The following SNTB2 variants were observed in gnomAD, a reference collection of about 807,000 sequenced individuals.
The protein encoded by SNTB2 is syntrophin beta 2.
Under a neutral mutation model 46.2 loss-of-function variants are expected in SNTB2, and 34 were observed. The ratio of observed to expected loss-of-function variants is 0.74; its 90% CI spans 0.56 to 0.98. SNTB2 has a LOEUF of 0.98. Among genes scored for constraint, SNTB2 ranks in the 50% least tolerant of loss-of-function variants. SNTB2 has a pLI of 0.00. For missense variants in SNTB2, 603 were observed against 731.4 expected, an observed-to-expected ratio of 0.82 and a Z score of 2.02; for synonymous variants, 290 against 312.6, an observed-to-expected ratio of 0.93 and a Z score of 0.76.
intron 1 of SNTB2, among the ~76,000 whole-genome samples, chr16:69,188,783 A>G (rs1052371011): frequency 8.5e-5 from 13 of 152,310 alleles, no homozygotes; most frequent in Admixed American, 6.5e-4. Context: ...ATGCAAAACA[A>G]CTTATAGGGA....
chr16:69,265,534 A>C (rs1964875381), intron 3 of SNTB2, among the ~76,000 whole-genome samples: 2 of 152,100 alleles, frequency 1.3e-5, no homozygotes, highest in South Asian at 2.1e-4. Flanking sequence ...GTTTATTAGA[A>C]ATAAAATTTG....
Position 69,299,653 on chromosome 16 carries a change from C to T in SNTB2, c.1409C>T (p.Ser470Leu). Residue 470 changes from serine to leucine, a missense_variant, in exon 6 of 7, where the codon TCA (serine) becomes TTA (leucine). Coordinates refer to ENST00000336278, the MANE Select transcript of SNTB2 (RefSeq NM_006750.4). Reference sequence around the variant, plus strand: ...CACTATGAAAATGGGTTCACCATCTCAAGGGAAAATGGAGGCTCCAGCAGC... The same window carrying T: ...CACTATGAAAATGGGTTCACCATCTTAAGGGAAAATGGAGGCTCCAGCAGC... ...TIHYENGFTI[S>L]RENGGSSSIL... The T allele has an allele frequency of 6.2e-7, 1 of 1,614,144 alleles. No individual in the cohort carries two copies. Among genetic ancestry groups the T allele is most frequent in the Non-Finnish European group, 8.5e-7 (1 of 1,180,038 alleles).
In SNTB2 at chr16:69,187,165, G is replaced by A; in HGVS notation, c.-2G>A. 7.4e-7 allele frequency: 1 copy of A among 1,351,554 alleles called. No individual in the cohort carries two copies. The highest frequency in any genetic ancestry group is 9.5e-7 in the Non-Finnish European group (1 of 1,048,890). The allele number at this position is 1,351,554 out of a possible 1,614,324, so 83.7% of individuals were successfully genotyped here. On this transcript the variant is annotated 5_prime_UTR_variant, in exon 1 of 7. Transcript: ENST00000336278. Reference sequence around the variant, plus strand: ...GGGAAGCGCCGAGGCTGCCTGACTGGAATGAGGGTAGCTGCGGCGACTGCG... The same window carrying A: ...GGGAAGCGCCGAGGCTGCCTGACTGAAATGAGGGTAGCTGCGGCGACTGCG...
intron 1 of SNTB2, among the ~76,000 whole-genome samples, chr16:69,194,360 T>C (rs1964083851): frequency 6.6e-6 from 1 of 152,228 alleles, no homozygotes; most frequent in Non-Finnish European, 1.5e-5. Flanking sequence ...TCCATTTTAG[T>C]GTTTTGTAAC....
At chr16:69,249,357 T>A (rs1486120692) in intron 2 of SNTB2, among the ~76,000 whole-genome samples, 1 of 152,148 alleles carries the variant, frequency 6.6e-6, no homozygotes, top group Non-Finnish European at 1.5e-5. Context: ...GTACCTGTAG[T>A]GCTGCTGATG....
At chr16:69,288,441 A>AT (rs112937945) in intron 5 of SNTB2, among the ~76,000 whole-genome samples, 5 of 152,196 alleles carry the variant, frequency 3.3e-5, no homozygotes, top group East Asian at 3.9e-4. Context: ...TCACAGCTGT[A>AT]TTTTTTTAAA....
At chr16:69,231,744 A>T (rs573450559) in intron 1 of SNTB2, among the ~76,000 whole-genome samples, 1 of 152,296 alleles carries the variant, frequency 6.6e-6, no homozygotes, top group African/African-American at 2.4e-5. Context: ...AAACAAACAC[A>T]CCTACTATAT....
chr16:69,284,969 G>A (rs2143162231), intron 5 of SNTB2, among the ~76,000 whole-genome samples: 1 of 152,276 alleles, frequency 6.6e-6, no homozygotes, highest in South Asian at 2.1e-4. Flanking sequence ...ATTCAGCGCA[G>A]TAACATACTA....
rs1964927352 is a variant in SNTB2 at position 69,270,455 on chromosome 16, G to A, written c.1148+170G>A. Among the ~76,000 whole-genome samples, 3 of 152,296 alleles carry A rather than the reference G, an allele frequency of 2.0e-5. No individual in the cohort carries two copies. In the South Asian group the frequency reaches 6.2e-4, roughly 32 times the overall value. On this transcript the variant is annotated intron_variant, in intron 4 of 6. Coordinates refer to ENST00000336278, the MANE Select transcript of SNTB2 (RefSeq NM_006750.4). ...TTACAACCTTATTGATAATTTTGCAGCTCCTAGCTCAGAATAAATTGTTTT... is the reference window on the plus strand; with the variant it reads ...TTACAACCTTATTGATAATTTTGCAACTCCTAGCTCAGAATAAATTGTTTT...
intron 5 of SNTB2, among the ~76,000 whole-genome samples, chr16:69,294,418 C>G (rs984754265): frequency 2.0e-5 from 3 of 152,078 alleles, no homozygotes; most frequent in Non-Finnish European, 4.4e-5. Flanking sequence ...CACTGAAACT[C>G]TTATCACTAT....
intron 1 of SNTB2, among the ~76,000 whole-genome samples, chr16:69,204,158 C>A (rs555729413): frequency 6.6e-6 from 1 of 151,964 alleles, no homozygotes; most frequent in East Asian, 1.9e-4. Flanking sequence ...TTCCCAAATG[C>A]TGGGATTACA....
intron 5 of SNTB2, 23 bp downstream of exon 5, chr16:69,284,267 T>C (rs1211289928): frequency 3.2e-6 from 5 of 1,572,874 alleles, no homozygotes; most frequent in Non-Finnish European, 4.3e-6. Flanking sequence ...ACTTTTTATT[T>C]CTAGTAGTAA....
At chr16:69,285,754 G>A (rs1965096932) in intron 5 of SNTB2, among the ~76,000 whole-genome samples, 1 of 150,342 alleles carries the variant, frequency 6.7e-6, no homozygotes, top group Non-Finnish European at 1.5e-5. Flanking sequence ...GTTTCCCAAA[G>A]TGCTGGGATT....
intron 5 of SNTB2, among the ~76,000 whole-genome samples, chr16:69,288,451 A>G (rs1458509332): frequency 1.3e-5 from 2 of 152,168 alleles, no homozygotes; most frequent in Non-Finnish European, 2.9e-5. Flanking sequence ...ATTTTTTTAA[A>G]TCAACTTCCC....
chr16:69,238,837 G>A (rs954256629), intron 1 of SNTB2, among the ~76,000 whole-genome samples: 7 of 152,218 alleles, frequency 4.6e-5, no homozygotes, highest in Middle Eastern at 3.4e-3. Context: ...TAACCTGCCA[G>A]CTGGTCTTCC....
chr16:69,201,766 G>C (rs925142911), intron 1 of SNTB2, among the ~76,000 whole-genome samples: 5 of 152,134 alleles, frequency 3.3e-5, no homozygotes, highest in Admixed American at 2.6e-4. Context: ...TTTAGATTTC[G>C]TATTTGGAGG....
rs187960747 is a variant in SNTB2 at position 69,268,281 on chromosome 16, T to C, written c.1006-1862T>C. Among the ~76,000 whole-genome samples, 145 of 152,034 alleles carry C rather than the reference T, an allele frequency of 9.5e-4. 2 individuals carry two copies. The Middle Eastern group carries it at 0.031, about 32-fold the overall frequency. ...GAGTTCGAGACCAGTATGGCCAACATGGTGAAACGCTGTCTTTACTAAAAA... is the reference window on the plus strand; with the variant it reads ...GAGTTCGAGACCAGTATGGCCAACACGGTGAAACGCTGTCTTTACTAAAAA... On this transcript the variant is annotated intron_variant, in intron 3 of 6. Coordinates refer to ENST00000336278, the MANE Select transcript of SNTB2 (RefSeq NM_006750.4).
chr16:69,275,429 A>C (rs994470405), intron 4 of SNTB2, among the ~76,000 whole-genome samples: 1 of 152,228 alleles, frequency 6.6e-6, no homozygotes. Context: ...TTGTTCAGGA[A>C]GTACTGGTGG....
chr16:69,194,662 A>G (rs896186174), intron 1 of SNTB2, among the ~76,000 whole-genome samples: 2 of 152,142 alleles, frequency 1.3e-5, no homozygotes, highest in African/African-American at 4.8e-5. Flanking sequence ...CCATGTTCCA[A>G]TCATGTGGCT....
Sources: gnomAD v4.1 joint callset for allele counts (sites outside exome capture counted in the v4.1 genomes callset) on GRCh38, gnomAD v4.1.1 for gene constraint, MANE v1.5 for transcripts, NCBI Gene and HGNC (gene_info 2026-07-23, HGNC 2026-07-21) for gene names.